The following MEIOB variants were observed in gnomAD, a reference collection of about 807,000 sequenced individuals.
MEIOB encodes meiosis-specific with OB domain-containing protein.
A neutral mutation model predicts 53.1 loss-of-function variants in MEIOB; 50 were observed. The observed-to-expected ratio is 0.94, with a 90% CI of 0.75 to 1.19. The LOEUF is 1.19. Ranked by LOEUF, MEIOB falls within the 50% of genes most tolerant of loss-of-function variation. The probability of loss-of-function intolerance (pLI) is 0.00; values close to 1 mark genes in which losing one functional copy is unlikely to be tolerated. For synonymous variants in MEIOB, 192 were observed against 182.5 expected (o/e 1.05, Z -0.42); for missense variants, 551 against 550.8 (o/e 1.00, Z 0.00).
intron 3 of MEIOB, among the ~76,000 whole-genome samples, chr16:1,863,275 C>T (rs1899496810): frequency 6.6e-6 from 1 of 151,866 alleles, no homozygotes; most frequent in African/African-American, 2.4e-5. Flanking sequence ...CACTGCAACC[C>T]CTGCCTCCCA....
At chr16:1,856,437 A>G (rs970577459) in intron 6 of MEIOB, among the ~76,000 whole-genome samples, 6 of 151,936 alleles carry the variant, frequency 3.9e-5, no homozygotes, top group African/African-American at 1.5e-4. Context: ...CTCCTGCCTC[A>G]GCCTCCTGAG....
At chr16:1,862,174 C>A in intron 3 of MEIOB, 58 bp from the exon 4 acceptor site, 1 of 1,405,372 alleles carries the variant, frequency 7.1e-7, no homozygotes, top group South Asian at 1.3e-5. Context: ...GCTTCTCTGC[C>A]TTTTGATAAG....
intron 1 of MEIOB, among the ~76,000 whole-genome samples, chr16:1,870,450 A>G (rs866050110): frequency 6.6e-6 from 1 of 152,192 alleles, no homozygotes; most frequent in South Asian, 2.1e-4. Flanking sequence ...GACGTGTCTC[A>G]TGACACCTGA....
chr16:1,845,510 ACT>A (rs1439769933), intron 9 of MEIOB, among the ~76,000 whole-genome samples: 2 of 151,874 alleles, frequency 1.3e-5, no homozygotes, highest in East Asian at 1.9e-4. Flanking sequence ...ACAGAGCAAG[ACT>A]CTGTCTAAAA....
intron 12 of MEIOB, 171 bp from the exon 13 acceptor site, chr16:1,838,041 A>C (rs904493446): frequency 4.6e-6 from 6 of 1,292,432 alleles, no homozygotes; most frequent in Non-Finnish European, 5.2e-6. Context: ...CTGTCGCCCA[A>C]GCTGGAGTGC....
intron 11 of MEIOB, 101 bp downstream of exon 11, chr16:1,841,719 T>C: frequency 1.1e-5 from 9 of 846,698 alleles, no homozygotes; most frequent in Non-Finnish European, 1.5e-5. Flanking sequence ...ATAACCCCTG[T>C]TACATCAACA....
At chr16:1,843,268 G>A (rs1428641256) in intron 10 of MEIOB, among the ~76,000 whole-genome samples, 1 of 151,168 alleles carries the variant, frequency 6.6e-6, no homozygotes, top group Non-Finnish European at 1.5e-5. Flanking sequence ...ACTCCAACCC[G>A]GGCGACAGAG....
At chr16:1,840,546 TA>T (rs1315353066) in intron 11 of MEIOB, among the ~76,000 whole-genome samples, 597 of 14,552 alleles carry the variant, frequency 0.041, 4 homozygotes, top group East Asian at 0.098. Context: ...CTCTTATTAT[TA>T]TTTTTTTTTT....
Position 1,860,523 on chromosome 16 carries a change from T to TA in MEIOB, c.260-49dup, listed in dbSNP as rs778474397. The stretch of plus-strand genomic sequence containing the variant: ...ATGATATTACAAAACAGTAACAAGA[T>TA]AAACACTAACATCCTAAATAACATC... On this transcript the variant is annotated intron_variant, in intron 4 of 13. Coordinates refer to ENST00000325962, the MANE Select transcript of MEIOB (RefSeq NM_001163560.3). The TA allele has an allele frequency of 1.3e-5, 14 of 1,055,212 alleles. No homozygotes were observed. The East Asian group carries it at 3.1e-4, about 24-fold the overall frequency. 65.4% of individuals were successfully genotyped at this position (1,055,212 alleles called of 1,614,324 possible).
At chr16:1,863,890 T>C (rs1465535393) in intron 3 of MEIOB, among the ~76,000 whole-genome samples, 4 of 152,216 alleles carry the variant, frequency 2.6e-5, no homozygotes, top group East Asian at 3.8e-4. Context: ...CTGGGCGCAG[T>C]TGCTCCTGCC....
At chr16:1,852,756 A>G (rs545091873) in intron 9 of MEIOB, among the ~76,000 whole-genome samples, 103 of 151,810 alleles carry the variant, frequency 6.8e-4, no homozygotes, top group African/African-American at 1.7e-3. Flanking sequence ...GGGTTTCACC[A>G]TGTTGGCCAG....
chr16:1,838,142 C>G (rs921941878), intron 12 of MEIOB: 4 of 546,598 alleles, frequency 7.3e-6, no homozygotes, highest in South Asian at 2.8e-5. Flanking sequence ...CAGGTATGCA[C>G]TACTCTTCTC....
chr16:1,864,295 T>C (rs912762183), intron 3 of MEIOB, among the ~76,000 whole-genome samples: 8 of 152,174 alleles, frequency 5.3e-5, no homozygotes, highest in Non-Finnish European at 1.2e-4. Context: ...TTCAAATCTG[T>C]GACCTTTGGT....
intron 1 of MEIOB, 143 bp from the exon 2 acceptor site, chr16:1,868,327 T>C: frequency 2.2e-6 from 1 of 448,548 alleles, no homozygotes. Context: ...GAGGCTGAAG[T>C]GGATGGATCA....
chr16:1,871,481 A>T (rs1899745185), intron 1 of MEIOB, among the ~76,000 whole-genome samples: 1 of 129,844 alleles, frequency 7.7e-6, no homozygotes, highest in East Asian at 2.3e-4. Flanking sequence ...GGCCTCCCAA[A>T]GTGCTGGGAT....
chr16:1,845,471 G>C (rs1159723114), intron 9 of MEIOB, among the ~76,000 whole-genome samples: 2 of 151,970 alleles, frequency 1.3e-5, no homozygotes, highest in East Asian at 1.9e-4. Flanking sequence ...AGTAAACTGA[G>C]ATAGCGCCAC....
chr16:1,854,163 C>T lies in MEIOB; in HGVS notation c.566G>A (p.Arg189Lys). Residue 189 changes from arginine to lysine, a missense_variant, in exon 7 of 14, where the codon AGA becomes AAA. Physicochemically the swap from Arg to Lys is conservative, Grantham distance 26. Coordinates refer to ENST00000325962, the MANE Select transcript of MEIOB (RefSeq NM_001163560.3). ...EPKYFTTSDR[R>K]KGQRCEVRLY... ...TCTAACTTCACACCTCTGGCCTTTT[C>T]TCCGGTCTGAAGTTGTAAAGTATTT... 6.4e-7 allele frequency: 1 copy of T among 1,550,868 alleles called. No individual in the cohort carries two copies.
chr16:1,857,639 C>A (rs1361369393), intron 6 of MEIOB, 96 bp downstream of exon 6: 1 of 881,394 alleles, frequency 1.1e-6, no homozygotes, highest in Non-Finnish European at 1.7e-6. Flanking sequence ...AGAAAAGTTA[C>A]CCCAGCTGAT....
chr16:1,843,173 G>C (rs1364502144), intron 10 of MEIOB, among the ~76,000 whole-genome samples: 1 of 150,980 alleles, frequency 6.6e-6, no homozygotes, highest in African/African-American at 2.4e-5. Flanking sequence ...GGCGCCTGTC[G>C]TCCCACCTAC....
Sources: gnomAD v4.1 joint callset for allele counts (sites outside exome capture counted in the v4.1 genomes callset) on GRCh38, gnomAD v4.1.1 for gene constraint, MANE v1.5 for transcripts, NCBI Gene and HGNC (gene_info 2026-07-23, HGNC 2026-07-21) for gene names.